Variants in ZCCHC14 observed in about 807,000 individuals in gnomAD.
ZCCHC14 encodes zinc finger CCHC domain-containing protein 14.
ZCCHC14 carries 16 observed loss-of-function variants against 85.0 expected under a neutral mutation model. The observed-to-expected ratio is 0.19, with a 90% CI of 0.13 to 0.29. ZCCHC14 has a LOEUF of 0.29. Among genes scored for constraint, ZCCHC14 ranks in the 10% least tolerant of loss-of-function variants. The pLI, the probability that ZCCHC14 is intolerant of heterozygous loss-of-function variation, is 1.00. For missense variants in ZCCHC14, 1,303 were observed against 1,443.5 expected (o/e 0.90, Z 1.58); for synonymous variants, 775 against 630.7 (o/e 1.23, Z -3.43).
Position 87,420,804 on chromosome 16 carries a change from T to C in ZCCHC14, c.841-88A>G. The C allele has an allele frequency of 2.8e-6, 3 of 1,057,010 alleles. No individual in the cohort carries two copies. The highest frequency in any genetic ancestry group is 4.1e-6 in the Non-Finnish European group (3 of 727,828). The allele number at this position is 1,057,010 out of a possible 1,614,324, so 65.5% of individuals were successfully genotyped here. The stretch of plus-strand genomic sequence containing the variant: ...CTACTGCAGGAAAACCTGGGGCAGG[T>C]GCTCCATGGTGCCGCCTGCTGGTCT... On this transcript the variant is annotated intron_variant, in intron 4 of 12. Transcript: ENST00000671377. This position sits in a 1 kb window ranked among gnomAD's most constrained non-coding sequence, Gnocchi z 5.0.
At chr16:87,465,687 T>A (rs1210523739) in intron 1 of ZCCHC14, among the ~76,000 whole-genome samples, 2 of 152,246 alleles carry the variant, frequency 1.3e-5, no homozygotes, top group Non-Finnish European at 2.9e-5. Context: ...AAACGCAGGT[T>A]TGATTCATGA....
intron 2 of ZCCHC14, among the ~76,000 whole-genome samples, chr16:87,447,620 G>T (rs1910505487): frequency 6.6e-6 from 1 of 152,124 alleles, no homozygotes; most frequent in African/African-American, 2.4e-5. Flanking sequence ...ATGGACATCT[G>T]GGTTGTTTCC....
At chr16:87,429,008 T>C (rs757120792) in intron 3 of ZCCHC14, among the ~76,000 whole-genome samples, 4 of 152,270 alleles carry the variant, frequency 2.6e-5, no homozygotes, top group Non-Finnish European at 2.9e-5. Flanking sequence ...ACAAAGCTGC[T>C]ATAAACACTC....
In ZCCHC14 at chr16:87,414,473, C is replaced by T. The variant is rs199755397; in HGVS notation, c.1544G>A (p.Arg515Gln). 6 of 1,585,542 alleles carry T rather than the reference C, an allele frequency of 3.8e-6. No homozygotes were observed. Among genetic ancestry groups the T allele is most frequent in the African/African-American group, 1.4e-5 (1 of 73,800 alleles). The change falls in exon 10 of 13, where the codon CGA becomes CAA. Residue 515 changes from arginine (R) to glutamine (Q), a missense_variant. Arg to Gln is a conservative substitution (Grantham distance 43). This residue lies in a region of ZCCHC14 where 58 missense variants were observed against 88.2 expected (regional missense o/e 0.66). Coordinates refer to ENST00000671377, the MANE Select transcript of ZCCHC14 (RefSeq NM_015144.3). The part of the protein sequence containing the change: ...PPLVTSSGVA[R>Q]VPPTSHVGPV... ...CCCGACGTGGCTGGTGGGGGGCACT[C>T]GAGCCACACCACTGCTGGTGACCAG...
Position 87,492,823 on chromosome 16 carries a change from G to A in ZCCHC14, c.-585C>T, listed in dbSNP as rs948968954. ...GCGAAACGGACGCTGGAGGGGGAGGGACGCGCGGCGGGAGGCGCGGAGGGA... is the reference window on the plus strand; with the variant it reads ...GCGAAACGGACGCTGGAGGGGGAGGAACGCGCGGCGGGAGGCGCGGAGGGA... On this transcript the variant is annotated 5_prime_UTR_variant, in exon 1 of 13. Transcript: ENST00000671377. This position sits in a 1 kb window ranked among gnomAD's most constrained non-coding sequence, Gnocchi z 6.7. Among the ~76,000 whole-genome samples the A allele has an allele frequency of 5.4e-5, 8 of 147,804 alleles. No homozygotes were observed. In the East Asian group the frequency reaches 1.4e-3, roughly 25 times the overall value.
rs746969602 is a variant in ZCCHC14, at chr16:87,409,545, T to A, written c.*735A>T. ...AATTAAGTTGTTGCGAGTAAACTAT[T>A]TCTATTTAATAACGTAGTTTAGATT... On this transcript the variant is annotated 3_prime_UTR_variant, in exon 13 of 13. Coordinates refer to ENST00000671377, the MANE Select transcript of ZCCHC14 (RefSeq NM_015144.3). 2 of 152,388 alleles carry A rather than the reference T, an allele frequency of 1.3e-5. No homozygotes were observed. The highest frequency in any genetic ancestry group is 1.5e-5 in the Non-Finnish European group (1 of 68,046). The allele number at this position is 152,388 out of a possible 1,614,324, so 9.4% of individuals were successfully genotyped here. A position where few individuals can be genotyped will look rare whatever the true frequency, so the allele number is the denominator to read the frequency against.
rs547650656 is a variant in ZCCHC14, at chr16:87,422,969, C to G, written c.840+841G>C. 9.2e-5 allele frequency among the ~76,000 whole-genome samples: 14 copies of G among 152,238 alleles called. No homozygotes were observed. In the South Asian group the frequency reaches 2.9e-3, roughly 32 times the overall value. ...TCGTGTTCTTCAATGCCCAAGAGGC[C>G]AAAAAGATAAGTGTAATCAGACATC... On this transcript the variant is annotated intron_variant, in intron 4 of 12. Transcript: ENST00000671377.
intron 2 of ZCCHC14, among the ~76,000 whole-genome samples, chr16:87,440,646 G>A (rs1347548345): frequency 1.3e-5 from 2 of 151,532 alleles, no homozygotes; most frequent in Non-Finnish European, 2.9e-5. Context: ...TCACTCTGTC[G>A]CCCAGGCTGA....
intron 1 of ZCCHC14, among the ~76,000 whole-genome samples, chr16:87,477,475 G>A (rs905781121): frequency 2.0e-5 from 3 of 152,226 alleles, no homozygotes; most frequent in Non-Finnish European, 1.5e-5. Context: ...ACCAGCCGCA[G>A]AGTCTGGGGC....
Position 87,413,151 on chromosome 16 carries a change from C to T in ZCCHC14, c.1648G>A (p.Glu550Lys). Residue 550 changes from glutamate (E) to lysine (K), a missense_variant, in exon 11 of 13, where the codon GAA (glutamate) becomes AAA (lysine). Coordinates refer to ENST00000671377, the MANE Select transcript of ZCCHC14 (RefSeq NM_015144.3). ...VEQPHHQLPR[E>K]GSSSEYSSSS... Reference sequence around the variant, plus strand: ...CTGGAGTACTCCGAGGAACTGCCTTCCCGGGGCAGCTGGTGATGGGGCTGC... The same window carrying T: ...CTGGAGTACTCCGAGGAACTGCCTTTCCGGGGCAGCTGGTGATGGGGCTGC... The T allele has an allele frequency of 6.2e-7, 1 of 1,604,818 alleles. No homozygotes were observed. The highest frequency in any genetic ancestry group is 1.1e-5 in the South Asian group (1 of 90,030).
chr16:87,466,668 G>A (rs76787263), intron 1 of ZCCHC14, among the ~76,000 whole-genome samples: 2,558 of 152,334 alleles, frequency 0.017, 27 homozygotes, highest in Middle Eastern at 0.048. Flanking sequence ...GAGCATGAAG[G>A]AGACTTGAAG....
chr16:87,467,529 G>A lies in ZCCHC14; in HGVS notation c.571-7398C>T, dbSNP rs1911581995. ...TACAGCATCCCTTTCTCAACAGTAGGATCAGAAGCCTATTTTTAATGTCAT... is the reference window on the plus strand; with the variant it reads ...TACAGCATCCCTTTCTCAACAGTAGAATCAGAAGCCTATTTTTAATGTCAT... On this transcript the variant is annotated intron_variant, in intron 1 of 12. Transcript: ENST00000671377. The A allele has an allele frequency of 6.9e-6, 11 of 1,603,048 alleles. No homozygotes were observed. The South Asian group carries it at 7.7e-5, about 11-fold the overall frequency.
chr16:87,473,309 TCTC>T (rs1421697824), intron 1 of ZCCHC14: 1 of 152,122 alleles, frequency 6.6e-6, no homozygotes, highest in Non-Finnish European at 1.5e-5. Context: ...TTCAAGCGAT[TCTC>T]CTGTCTCAGC....
intron 8 of ZCCHC14, among the ~76,000 whole-genome samples, chr16:87,416,506 C>G (rs1473107242): frequency 6.6e-6 from 1 of 151,982 alleles, no homozygotes; most frequent in Non-Finnish European, 1.5e-5. Context: ...GCCTGTAATC[C>G]CAGCACTTTG....
At chr16:87,442,994 G>C (rs1295013142) in intron 2 of ZCCHC14, among the ~76,000 whole-genome samples, 1 of 152,198 alleles carries the variant, frequency 6.6e-6, no homozygotes, top group Non-Finnish European at 1.5e-5. Context: ...AAAGTTCTTT[G>C]AACAGAAGGA....
intron 2 of ZCCHC14, among the ~76,000 whole-genome samples, chr16:87,440,774 T>C (rs1910144887): frequency 6.6e-6 from 1 of 151,106 alleles, no homozygotes; most frequent in African/African-American, 2.4e-5. Context: ...GCCCAGCCGA[T>C]TTTTGTATTT....
chr16:87,438,040 A>G (rs575539462), intron 2 of ZCCHC14, among the ~76,000 whole-genome samples: 1 of 152,380 alleles, frequency 6.6e-6, no homozygotes, highest in East Asian at 1.9e-4. Flanking sequence ...TGGCAGGAAT[A>G]ACATGGTTGT....
At chr16:87,429,586 G>A (rs1179799842) in intron 3 of ZCCHC14, among the ~76,000 whole-genome samples, 1 of 152,192 alleles carries the variant, frequency 6.6e-6, no homozygotes, top group African/African-American at 2.4e-5. Context: ...TTCAAGACCA[G>A]TCTGGGTGAC....
At chr16:87,416,544 C>T (rs1908791274) in intron 8 of ZCCHC14, among the ~76,000 whole-genome samples, 1 of 152,034 alleles carries the variant, frequency 6.6e-6, no homozygotes, top group Non-Finnish European at 1.5e-5. Context: ...GATCATGAGT[C>T]AGGAGTTCGA....
Sources: allele counts gnomAD v4.1 joint callset (sites outside exome capture counted in the v4.1 genomes callset), GRCh38; gene constraint gnomAD v4.1.1; regional missense constraint gnomAD v4.1.1; non-coding constraint Gnocchi (gnomAD v3.1); transcripts MANE v1.5; gene names NCBI Gene and HGNC (gene_info 2026-07-23, HGNC 2026-07-21).